Variants in DPP6 observed in about 807,000 individuals in gnomAD.
DPP6 encodes dipeptidyl peptidase like 6.
DPP6 carries 69 observed loss-of-function variants against 122.6 expected under a neutral mutation model. The observed-to-expected ratio is 0.56, with a 90% CI of 0.46 to 0.69. The LOEUF (loss-of-function observed/expected upper bound fraction) is 0.69. Among genes scored for constraint, DPP6 ranks in the 30% least tolerant of loss-of-function variants. The pLI is 0.00. For synonymous variants in DPP6, 418 were observed against 433.1 expected (o/e 0.97, Z 0.43); for missense variants, 928 against 1,116.9 (o/e 0.83, Z 2.41).
At chr7:154,513,466 G>A (rs560947040) in intron 3 of DPP6, among the ~76,000 whole-genome samples, 59 of 152,154 alleles carry the variant, frequency 3.9e-4, no homozygotes, top group Non-Finnish European at 7.6e-4. Context: ...CAAATGTTGA[G>A]ACTAACAAGA....
At chr7:153,983,322 T>C (rs1323869141) in intron 1 of DPP6, among the ~76,000 whole-genome samples, 1 of 152,220 alleles carries the variant, frequency 6.6e-6, no homozygotes, top group Non-Finnish European at 1.5e-5. Context: ...CAGTCTGAGC[T>C]TCCCTGTGGC....
intron 1 of DPP6, among the ~76,000 whole-genome samples, chr7:153,918,462 A>ATT (rs1800435126): frequency 1.2e-5 from 1 of 80,222 alleles, no homozygotes; most frequent in Non-Finnish European, 2.6e-5. Flanking sequence ...ACACACACAC[A>ATT]CACACTCTCT....
intron 1 of DPP6, among the ~76,000 whole-genome samples, chr7:154,283,603 A>G (rs1804666945): frequency 6.6e-6 from 1 of 151,868 alleles, no homozygotes; most frequent in Admixed American, 6.6e-5. Context: ...CAAACAATAA[A>G]GAGAGCTCTT....
intron 1 of DPP6, among the ~76,000 whole-genome samples, chr7:154,015,748 T>C (rs985972240): frequency 5.0e-4 from 76 of 152,120 alleles, no homozygotes; most frequent in African/African-American, 1.7e-3. Context: ...GCTGCACCAG[T>C]CCAGCCCCAG....
chr7:154,156,347 A>G (rs556659239), intron 1 of DPP6, among the ~76,000 whole-genome samples: 49 of 152,368 alleles, frequency 3.2e-4, no homozygotes, highest in Admixed American at 1.9e-3. Context: ...TGAAAAAAGT[A>G]TTTGGCCAGG....
intron 1 of DPP6, among the ~76,000 whole-genome samples, chr7:154,231,131 C>A (rs992351445): frequency 6.6e-6 from 1 of 152,104 alleles, no homozygotes; most frequent in African/African-American, 2.4e-5. Context: ...AGTATAGAAC[C>A]CTCCCACATT....
Position 154,223,657 on chromosome 7 carries a change from G to C in DPP6, c.243+170594G>C, listed in dbSNP as rs983519307. 1.3e-5 allele frequency among the ~76,000 whole-genome samples: 2 copies of C among 149,392 alleles called. 1 individual carries two copies. Among genetic ancestry groups the C allele is most frequent in the South Asian group, 4.2e-4 (2 of 4,746 alleles). ...AGGCAGAAACATGTGGCCAAGTCCT[G>C]TTGGGCGGGGGCAGATGAGAGGAAG... On this transcript the variant is annotated intron_variant, in intron 1 of 25. Transcript: ENST00000377770.
At chr7:154,119,590 A>G (rs1414094354) in intron 1 of DPP6, among the ~76,000 whole-genome samples, 2 of 146,294 alleles carry the variant, frequency 1.4e-5, no homozygotes, top group African/African-American at 4.9e-5. Context: ...TCATCTCTGG[A>G]ACTTTGCAGG....
chr7:154,281,693 G>T (rs1267491208), intron 1 of DPP6, among the ~76,000 whole-genome samples: 2 of 152,192 alleles, frequency 1.3e-5, no homozygotes, highest in African/African-American at 2.4e-5. Context: ...CTTAGTATAA[G>T]ATCTCTGGTG....
At chr7:153,808,255 G>A in the DPP6 span, among the ~76,000 whole-genome samples, 1 of 151,362 alleles carries the variant, frequency 6.6e-6, no homozygotes. Context: ...GCACGTGCGT[G>A]CGTGTGTGCC....
At chr7:153,950,351 T>A (rs1437843615) in intron 1 of DPP6, among the ~76,000 whole-genome samples, 4 of 152,038 alleles carry the variant, frequency 2.6e-5, no homozygotes, top group Non-Finnish European at 5.9e-5. Flanking sequence ...ATGTTAGGTG[T>A]GAGACAAGAG....
intron 1 of DPP6, among the ~76,000 whole-genome samples, chr7:154,319,406 A>G (rs1011766077): frequency 6.6e-6 from 1 of 152,232 alleles, no homozygotes; most frequent in African/African-American, 2.4e-5. Context: ...ACAAAATGCA[A>G]CATGAGACTG....
rs139807286 is a variant in DPP6, at chr7:154,200,726, A to G, written c.243+147663A>G. Among the ~76,000 whole-genome samples, 167 of 152,340 alleles carry G rather than the reference A, an allele frequency of 1.1e-3. 1 individual carries two copies. The highest frequency in any genetic ancestry group is 3.8e-3 in the African/African-American group (159 of 41,584). Reference sequence around the variant, plus strand: ...GTTTTCTTTGGAAGAATAGTGAATGATTAAAAGAAAACCAAAGCAGTACTA... The same window carrying G: ...GTTTTCTTTGGAAGAATAGTGAATGGTTAAAAGAAAACCAAAGCAGTACTA... On this transcript the variant is annotated intron_variant, in intron 1 of 25. Coordinates refer to ENST00000377770, the MANE Select transcript of DPP6 (RefSeq NM_130797.4).
chr7:154,884,133 C>T (rs971234927), intron 21 of DPP6: 7 of 149,864 alleles, frequency 4.7e-5, no homozygotes, highest in Non-Finnish European at 8.8e-5. Context: ...CACCCATACA[C>T]ATGCTCACAC....
In DPP6 at chr7:153,990,825, CG is replaced by C. The variant is rs1797139949; in HGVS notation, c.51+103092del. On this transcript the variant is annotated intron_variant, in intron 1 of 25. Coordinates refer to the DPP6 transcript ENST00000404039. ...TGAAGAAAAGAGGACGAAGGAGTGA[CG>C]TCCAAGTTTATTGAGCTTTAGGAAG... is the stretch of plus-strand genomic sequence containing the variant. Among the ~76,000 whole-genome samples, 7 of 145,720 alleles carry C rather than the reference CG, an allele frequency of 4.8e-5. No homozygotes were observed. The Admixed American group carries it at 4.9e-4, about 10-fold the overall frequency.
intron 16 of DPP6, among the ~76,000 whole-genome samples, chr7:154,831,610 A>G (rs572547051): frequency 1.3e-5 from 2 of 148,546 alleles, no homozygotes; most frequent in Non-Finnish European, 2.9e-5. Flanking sequence ...ATTTCTTTTT[A>G]AAAAAAATCT....
intron 1 of DPP6, among the ~76,000 whole-genome samples, chr7:153,977,084 A>T (rs1029200868): frequency 6.6e-6 from 1 of 152,140 alleles, no homozygotes; most frequent in African/African-American, 2.4e-5. Context: ...AGAGCCTTAA[A>T]TACAGAAATC....
intron 1 of DPP6, among the ~76,000 whole-genome samples, chr7:154,405,410 A>G (rs1165770758): frequency 1.3e-5 from 2 of 152,164 alleles, no homozygotes; most frequent in East Asian, 1.9e-4. Context: ...CTAGCTACAC[A>G]TGAAAATAAG....
chr7:154,296,187 G>A (rs867791650), intron 1 of DPP6, among the ~76,000 whole-genome samples: 3 of 151,866 alleles, frequency 2.0e-5, no homozygotes, highest in Admixed American at 6.6e-5. Flanking sequence ...CTTGTGATCC[G>A]CCTGCCTCGG....
Sources: allele counts gnomAD v4.1 joint callset (sites outside exome capture counted in the v4.1 genomes callset), GRCh38; gene constraint gnomAD v4.1.1; transcripts MANE v1.5; gene names NCBI Gene and HGNC (gene_info 2026-07-23, HGNC 2026-07-21).